Variants in CREB3L2 observed in about 807,000 individuals in gnomAD.
The protein encoded by CREB3L2 is cAMP responsive element binding protein 3 like 2, also known as cyclic AMP-responsive element-binding protein 3-like protein 2.
CREB3L2 carries 23 observed loss-of-function variants against 57.2 expected under a neutral mutation model. The ratio of observed to expected loss-of-function variants is 0.40; its 90% CI spans 0.29 to 0.57. The LOEUF (loss-of-function observed/expected upper bound fraction) is 0.57. Ranked by LOEUF, CREB3L2 falls within the 20% of genes least tolerant of loss-of-function variation. The probability of loss-of-function intolerance (pLI) is 0.42; values close to 1 mark genes in which losing one functional copy is unlikely to be tolerated. For missense variants in CREB3L2, 628 were observed against 634.7 expected (o/e 0.99, Z 0.11); for synonymous variants, 268 against 265.1 (o/e 1.01, Z -0.11).
intron 8 of CREB3L2, among the ~76,000 whole-genome samples, chr7:137,894,510 C>T (rs893789707): frequency 1.3e-5 from 2 of 152,148 alleles, no homozygotes; most frequent in Non-Finnish European, 2.9e-5. Flanking sequence ...TCTGTCTACC[C>T]CATTGGCTTC....
At chr7:137,936,038 G>A in intron 1 of CREB3L2, 2 of 535,194 alleles carry the variant, frequency 3.7e-6, no homozygotes, top group Non-Finnish European at 4.8e-6. Context: ...GGAGGAAAAG[G>A]AAGGATTCAT....
rs1035489768 is a variant in CREB3L2, at chr7:137,956,614, G to A, written c.103-28248C>T. ...GGCAATCCTTCACACGGACAGCCAT[G>A]CCGAATATTTCTCGAGAAGCCAGCA... On this transcript the variant is annotated intron_variant, in intron 1 of 11. Coordinates refer to ENST00000330387, the MANE Select transcript of CREB3L2 (RefSeq NM_194071.4). 7.8e-6 allele frequency: 10 copies of A among 1,288,970 alleles called. No homozygotes were observed. The African/African-American group carries it at 1.2e-4, about 16-fold the overall frequency. 79.8% of individuals were successfully genotyped at this position (1,288,970 alleles called of 1,614,324 possible).
chr7:137,940,085 C>T (rs1277054024), intron 1 of CREB3L2, among the ~76,000 whole-genome samples: 1 of 152,190 alleles, frequency 6.6e-6, no homozygotes, highest in Middle Eastern at 3.2e-3. Flanking sequence ...AACCCTTTTA[C>T]ATGCTCATTA....
intron 1 of CREB3L2, among the ~76,000 whole-genome samples, chr7:137,929,746 G>A (rs1282706402): frequency 3.3e-5 from 5 of 149,650 alleles, no homozygotes; most frequent in East Asian, 2.0e-4. Flanking sequence ...GCAGGCACCT[G>A]TAATCCCAGC....
intron 2 of CREB3L2, among the ~76,000 whole-genome samples, chr7:137,920,126 G>C (rs982691245): frequency 6.6e-6 from 1 of 151,300 alleles, no homozygotes; most frequent in Non-Finnish European, 1.5e-5. Flanking sequence ...CCTGGCTCCA[G>C]GTCTTCCTCC....
At chr7:137,972,702 A>AAACAACAAC (rs1801529499) in intron 1 of CREB3L2, among the ~76,000 whole-genome samples, 2 of 41,042 alleles carry the variant, frequency 4.9e-5, no homozygotes, top group African/African-American at 3.2e-4. Context: ...AAAAAAAAAA[A>AAACAACAAC]AAAAAAAAAA....
chr7:137,962,593 A>C (rs1291913817), intron 1 of CREB3L2, among the ~76,000 whole-genome samples: 1 of 151,776 alleles, frequency 6.6e-6, no homozygotes, highest in African/African-American at 2.4e-5. Context: ...ATATCACAAC[A>C]TCAGGCAGGA....
intron 1 of CREB3L2, among the ~76,000 whole-genome samples, chr7:137,959,176 C>G (rs1269223607): frequency 6.6e-6 from 1 of 152,212 alleles, no homozygotes; most frequent in Non-Finnish European, 1.5e-5. Context: ...GTCTATTTCT[C>G]TGCTCTTTGA....
chr7:137,978,395 G>A (rs1801647304), intron 1 of CREB3L2, among the ~76,000 whole-genome samples: 1 of 152,268 alleles, frequency 6.6e-6, no homozygotes, highest in South Asian at 2.1e-4. Context: ...TTGGAGCTAA[G>A]TGGCAGCTGC....
At chr7:137,904,061 G>A in intron 6 of CREB3L2, 44 bp from the exon 7 acceptor site, 2 of 1,517,308 alleles carry the variant, frequency 1.3e-6, no homozygotes, top group African/African-American at 1.4e-5. Flanking sequence ...TTCCAGCTCT[G>A]TAAGTAAACC....
In CREB3L2 at chr7:137,877,672, C is replaced by T. The variant is rs990214204; in HGVS notation, c.*2804G>A. The T allele has an allele frequency of 1.8e-5, 4 of 226,294 alleles. No individual in the cohort carries two copies. Among genetic ancestry groups the T allele is most frequent in the African/African-American group, 6.7e-5 (3 of 44,904 alleles). The allele number at this position is 226,294 out of a possible 1,614,324, so 14.0% of individuals were successfully genotyped here. A position where few individuals can be genotyped will look rare whatever the true frequency, so the allele number is the denominator to read the frequency against. Reference sequence around the variant, plus strand: ...TAATTAAGAGATTGACTCTTTATGGCTTATGGCCGCTCTGACAGACTCGTA... The same window carrying T: ...TAATTAAGAGATTGACTCTTTATGGTTTATGGCCGCTCTGACAGACTCGTA... On this transcript the variant is annotated 3_prime_UTR_variant, in exon 12 of 12. Coordinates refer to ENST00000330387, the MANE Select transcript of CREB3L2 (RefSeq NM_194071.4).
At position 137,991,907 on chromosome 7, in the gene CREB3L2, CAA is replaced by C. The variant is rs5887864; in HGVS notation, c.102+9695_102+9696del. Among the ~76,000 whole-genome samples, 489 of 136,528 alleles carry C rather than the reference CAA, an allele frequency of 3.6e-3. 1 individual carries two copies. The highest frequency in any genetic ancestry group is 4.9e-3 in the Non-Finnish European group (308 of 63,268). The allele number at this position is 136,528 out of a possible 152,430, so 89.6% of individuals were successfully genotyped here. A position where few individuals can be genotyped will look rare whatever the true frequency, so the allele number is the denominator to read the frequency against. On this transcript the variant is annotated intron_variant, in intron 1 of 11. Coordinates refer to ENST00000330387, the MANE Select transcript of CREB3L2 (RefSeq NM_194071.4). ...TGGGCAACAGAGCAAGACTCTGCCT[CAA>C]AAAAAAAAAAAAGCTTTATCCTCCA...
intron 2 of CREB3L2, among the ~76,000 whole-genome samples, chr7:137,921,100 A>G (rs944380421): frequency 1.3e-5 from 2 of 152,254 alleles, no homozygotes; most frequent in Non-Finnish European, 2.9e-5. Flanking sequence ...AACCACAAAC[A>G]TAAGAGTCAG....
chr7:137,902,628 T>G (rs1051272901), intron 7 of CREB3L2, among the ~76,000 whole-genome samples: 1 of 152,186 alleles, frequency 6.6e-6, no homozygotes, highest in Non-Finnish European at 1.5e-5. Flanking sequence ...CTCCAGATGC[T>G]CGAGTCCCTG....
At chr7:137,886,191 A>T (rs193203320) in intron 8 of CREB3L2, among the ~76,000 whole-genome samples, 1 of 152,356 alleles carries the variant, frequency 6.6e-6, no homozygotes, top group East Asian at 1.9e-4. Flanking sequence ...ACCTGAACAG[A>T]CTAAGAAAAT....
In CREB3L2 at chr7:137,879,972, A is replaced by C. The variant is rs1799255723; in HGVS notation, c.*504T>G. ...TCCAGCGAGGGCTCCCAGGGGGCAG[A>C]GTGGGCGGAGGGCTGCTGTCGGGGG... is the stretch of plus-strand genomic sequence containing the variant. On this transcript the variant is annotated 3_prime_UTR_variant, in exon 12 of 12. Coordinates refer to ENST00000330387, the MANE Select transcript of CREB3L2 (RefSeq NM_194071.4). 2 of 238,202 alleles carry C rather than the reference A, an allele frequency of 8.4e-6. No homozygotes were observed. Among genetic ancestry groups the C allele is most frequent in the Non-Finnish European group, 1.7e-5 (2 of 121,030 alleles). 14.8% of individuals were successfully genotyped at this position (238,202 alleles called of 1,614,324 possible). A position where few individuals can be genotyped will look rare whatever the true frequency, so the allele number is the denominator to read the frequency against.
At chr7:137,928,390 A>G (rs1800530082) in intron 1 of CREB3L2, 24 bp from the exon 2 acceptor site, 3 of 1,589,240 alleles carry the variant, frequency 1.9e-6, no homozygotes, top group Non-Finnish European at 2.6e-6. Context: ...AGGAGGAAGA[A>G]CTCAGTTTCT....
At chr7:137,940,235 C>T (rs1416533303) in intron 1 of CREB3L2, among the ~76,000 whole-genome samples, 2 of 152,196 alleles carry the variant, frequency 1.3e-5, no homozygotes, top group African/African-American at 2.4e-5. Flanking sequence ...CCACAGTATA[C>T]ACTCTCCATC....
Position 137,885,599 on chromosome 7 carries a change from C to A in CREB3L2, c.1044-97G>T. ...CCAAGAAGGCCGCCGTGCCTTTGTG[C>A]CTGCATTTCAACAGAGCCCCAAGGG... On this transcript the variant is annotated intron_variant, in intron 8 of 11. Transcript: ENST00000330387. 3 of 914,024 alleles carry A rather than the reference C, an allele frequency of 3.3e-6. No homozygotes were observed. The South Asian group carries it at 4.1e-5, about 12-fold the overall frequency. 56.6% of individuals were successfully genotyped at this position (914,024 alleles called of 1,614,324 possible). A position where few individuals can be genotyped will look rare whatever the true frequency, so the allele number is the denominator to read the frequency against.
Sources: allele counts gnomAD v4.1 joint callset (sites outside exome capture counted in the v4.1 genomes callset), GRCh38; gene constraint gnomAD v4.1.1; transcripts MANE v1.5; gene names NCBI Gene and HGNC (gene_info 2026-07-23, HGNC 2026-07-21).